Variants in SAMMSON observed in about 807,000 individuals in gnomAD.
SAMMSON encodes the protein long intergenic non-protein coding RNA 1212.
chr3:70,016,840 G>A (rs1217773947), intron 3 of SAMMSON, among the ~76,000 whole-genome samples: 5 of 152,254 alleles, frequency 3.3e-5, no homozygotes, highest in African/African-American at 1.2e-4. Flanking sequence ...TTATTAAATA[G>A]GGAATCCTTT....
At chr3:70,353,056 T>C (rs1702804383) in intron 7 of SAMMSON, among the ~76,000 whole-genome samples, 1 of 151,998 alleles carries the variant, frequency 6.6e-6, no homozygotes, top group African/African-American at 2.4e-5. Flanking sequence ...AAAGAACTAC[T>C]AAGTTTCACT....
Position 70,264,962 on chromosome 3 carries a change from G to A in SAMMSON, n.674+15292G>A, listed in dbSNP as rs146248999. Among the ~76,000 whole-genome samples, 725 of 152,302 alleles carry A rather than the reference G, an allele frequency of 4.8e-3. 5 individuals are homozygous for A. The highest frequency in any genetic ancestry group is 0.017 in the African/African-American group (692 of 41,568). On this transcript the variant is annotated intron_variant and non_coding_transcript_variant, in intron 6 of 9. Coordinates refer to ENST00000642114, the Ensembl canonical transcript of SAMMSON. ...ACAATCATGGTGGAAGGTGAATGAG[G>A]AGCAAAGTCACATCTTACATGGTGG...
chr3:70,158,268 C>G (rs2067600075), intron 4 of SAMMSON, among the ~76,000 whole-genome samples: 1 of 152,018 alleles, frequency 6.6e-6, no homozygotes, highest in Non-Finnish European at 1.5e-5. Flanking sequence ...TATATCTTTG[C>G]CTTTTCTGGG....
At chr3:70,337,192 TTAA>T (rs1196506871) in intron 7 of SAMMSON, among the ~76,000 whole-genome samples, 10 of 145,834 alleles carry the variant, frequency 6.9e-5, no homozygotes, top group African/African-American at 1.2e-4. Context: ...AATATGTAAC[TTAA>T]TAATATATAA....
At chr3:70,214,016 G>A (rs939274160) in intron 4 of SAMMSON, among the ~76,000 whole-genome samples, 4 of 152,044 alleles carry the variant, frequency 2.6e-5, no homozygotes, top group African/African-American at 9.7e-5. Context: ...TTTGAAAGCT[G>A]GGTAATAAAG....
At chr3:70,245,138 C>A (rs1050167051) in intron 4 of SAMMSON, among the ~76,000 whole-genome samples, 1 of 152,084 alleles carries the variant, frequency 6.6e-6, no homozygotes, top group Non-Finnish European at 1.5e-5. Flanking sequence ...TATTTTAAAT[C>A]ATTCATTTAG....
At chr3:70,363,188 C>G (rs1322615152) in intron 9 of SAMMSON, among the ~76,000 whole-genome samples, 1 of 151,932 alleles carries the variant, frequency 6.6e-6, no homozygotes, top group Non-Finnish European at 1.5e-5. Context: ...CTCAAAATAA[C>G]AAAGGCCATA....
intron 4 of SAMMSON, among the ~76,000 whole-genome samples, chr3:70,218,539 G>A (rs752765288): frequency 2.6e-5 from 4 of 152,172 alleles, no homozygotes; most frequent in East Asian, 3.9e-4. Flanking sequence ...TTGCTGGAAC[G>A]TTTACAGCCA....
At chr3:70,257,252 C>T (rs1318249306) in intron 6 of SAMMSON, among the ~76,000 whole-genome samples, 1 of 152,196 alleles carries the variant, frequency 6.6e-6, no homozygotes, top group Non-Finnish European at 1.5e-5. Flanking sequence ...AAACCTGGCA[C>T]ATCTGGCCAT....
At chr3:70,064,374 A>G (rs1399558151) in intron 3 of SAMMSON, among the ~76,000 whole-genome samples, 1 of 152,146 alleles carries the variant, frequency 6.6e-6, no homozygotes, top group Non-Finnish European at 1.5e-5. Flanking sequence ...GTTTGGCCAG[A>G]AGATGGTGCA....
intron 3 of SAMMSON, among the ~76,000 whole-genome samples, chr3:70,047,382 G>A (rs1044054270): frequency 1.3e-5 from 2 of 150,764 alleles, no homozygotes; most frequent in Non-Finnish European, 2.9e-5. Context: ...AGGCTCCCAG[G>A]CTGGAGTATA....
chr3:70,221,754 C>A (rs1437492058), intron 4 of SAMMSON, among the ~76,000 whole-genome samples: 1 of 152,094 alleles, frequency 6.6e-6, no homozygotes, highest in Admixed American at 6.6e-5. Flanking sequence ...GCTGTTGTCC[C>A]AATCCTTGGG....
chr3:70,173,577 C>T (rs1439776842), intron 4 of SAMMSON, among the ~76,000 whole-genome samples: 2 of 151,914 alleles, frequency 1.3e-5, no homozygotes, highest in Non-Finnish European at 2.9e-5. Context: ...ATGTGCTTCT[C>T]ATAAGTAGGA....
intron 2 of SAMMSON, among the ~76,000 whole-genome samples, chr3:70,427,630 T>C (rs997961677): frequency 2.0e-5 from 3 of 148,996 alleles, no homozygotes; most frequent in Admixed American, 6.8e-5. Context: ...CCCAGCTACT[T>C]GGGAGGCTGA....
intron 4 of SAMMSON, among the ~76,000 whole-genome samples, chr3:70,088,544 A>G (rs1283255310): frequency 6.6e-6 from 1 of 152,186 alleles, no homozygotes; most frequent in Non-Finnish European, 1.5e-5. Flanking sequence ...GAGAAAGCCC[A>G]TGTATAAATT....
At chr3:70,324,808 C>A (rs149764686) in intron 7 of SAMMSON, among the ~76,000 whole-genome samples, 1 of 151,764 alleles carries the variant, frequency 6.6e-6, no homozygotes, top group Non-Finnish European at 1.5e-5. Context: ...AAAAGCACAG[C>A]GTAATGCATC....
At chr3:70,372,254 T>A (rs569419934) in intron 9 of SAMMSON, among the ~76,000 whole-genome samples, 1 of 152,154 alleles carries the variant, frequency 6.6e-6, no homozygotes, top group South Asian at 2.1e-4. Context: ...CTTAATTTGT[T>A]GATGAGTGGA....
chr3:70,020,131 C>T (rs547880810), intron 3 of SAMMSON, among the ~76,000 whole-genome samples: 10 of 152,058 alleles, frequency 6.6e-5, no homozygotes, highest in Admixed American at 1.3e-4. Context: ...GGGACTGGGC[C>T]GAGCACCAGT....
chr3:70,120,809 C>A (rs749950367), intron 4 of SAMMSON: 7 of 152,254 alleles, frequency 4.6e-5, no homozygotes, highest in African/African-American at 1.4e-4. Context: ...TGATCCCCAA[C>A]CTTTCTGGCA....
Sources: gnomAD v4.1 joint callset for allele counts (sites outside exome capture counted in the v4.1 genomes callset) on GRCh38, gnomAD v4.1.1 for gene constraint, MANE v1.5 for transcripts, NCBI Gene and HGNC (gene_info 2026-07-23, HGNC 2026-07-21) for gene names.